The following RIMS2 variants were observed in gnomAD, a reference collection of about 807,000 sequenced individuals.
RIMS2 encodes regulating synaptic membrane exocytosis 2.
Under a neutral mutation model 174.4 loss-of-function variants are expected in RIMS2, and 59 were observed. That is an observed-to-expected ratio of 0.34 (90% CI 0.27 to 0.42). The LOEUF is 0.42. RIMS2 is among the 10% of genes least tolerant of loss of function. The pLI is 1.00. For synonymous variants in RIMS2, 606 were observed against 572.5 expected (o/e 1.06, Z -0.84); for missense variants, 1,620 against 1,666.3 (o/e 0.97, Z 0.48).
At chr8:103,808,519 C>A (rs1052250300) in intron 3 of RIMS2, among the ~76,000 whole-genome samples, 2 of 152,138 alleles carry the variant, frequency 1.3e-5, no homozygotes, top group Non-Finnish European at 2.9e-5. Flanking sequence ...TGCAGAGTGA[C>A]ATATTTAATT....
intron 19 of RIMS2, among the ~76,000 whole-genome samples, chr8:104,175,354 C>T (rs763915863): frequency 5.3e-5 from 8 of 151,600 alleles, no homozygotes; most frequent in Non-Finnish European, 8.8e-5. Context: ...GTGGGGTACT[C>T]GAGGTATTTA....
intron 1 of RIMS2, among the ~76,000 whole-genome samples, chr8:103,543,742 G>A (rs576287538): frequency 2.0e-5 from 3 of 152,210 alleles, no homozygotes; most frequent in African/African-American, 7.2e-5. Flanking sequence ...ATACACAATG[G>A]GCAAAGGGCA....
At chr8:103,869,858 A>C (rs763948748) in intron 3 of RIMS2, among the ~76,000 whole-genome samples, 7 of 152,142 alleles carry the variant, frequency 4.6e-5, no homozygotes, top group Non-Finnish European at 7.4e-5. Flanking sequence ...GATAAACAGA[A>C]CAGTGGTAGA....
intron 1 of RIMS2, among the ~76,000 whole-genome samples, chr8:103,674,246 T>C (rs866112833): frequency 6.6e-6 from 1 of 152,188 alleles, no homozygotes; most frequent in Non-Finnish European, 1.5e-5. Flanking sequence ...TCCTCTCTTC[T>C]TCTGAGCCCT....
intron 2 of RIMS2, among the ~76,000 whole-genome samples, chr8:103,756,499 A>C (rs2098012126): frequency 6.7e-6 from 1 of 149,858 alleles, no homozygotes. Flanking sequence ...GCAGTGGCAC[A>C]TCTTGGCTCA....
At chr8:103,709,391 G>C (rs1033165375) in intron 2 of RIMS2, among the ~76,000 whole-genome samples, 1 of 142,302 alleles carries the variant, frequency 7.0e-6, no homozygotes, top group Non-Finnish European at 1.5e-5. Context: ...TAGGTTGGAT[G>C]ACAGGTGTTG....
chr8:103,516,728 T>A (rs956249299), intron 1 of RIMS2, among the ~76,000 whole-genome samples: 57 of 152,108 alleles, frequency 3.7e-4, no homozygotes, highest in Non-Finnish European at 1.3e-4. Context: ...ATGTTTTACA[T>A]GTGTATATTA....
intron 1 of RIMS2, among the ~76,000 whole-genome samples, chr8:103,580,441 G>A (rs1030850606): frequency 1.7e-5 from 2 of 116,940 alleles, no homozygotes; most frequent in Non-Finnish European, 3.8e-5. Context: ...GACTATATGT[G>A]TGCATGTGTG....
intron 2 of RIMS2, among the ~76,000 whole-genome samples, chr8:103,746,141 G>C (rs948532392): frequency 6.6e-6 from 1 of 152,048 alleles, no homozygotes; most frequent in Non-Finnish European, 1.5e-5. Context: ...ATGAGTTAGG[G>C]GTCCAACTTC....
intron 16 of RIMS2, among the ~76,000 whole-genome samples, chr8:103,985,473 C>CAAAAAAAAAAAAA (rs58750334): frequency 2.8e-5 from 1 of 36,152 alleles, no homozygotes; most frequent in African/African-American, 1.5e-4. Flanking sequence ...GACTCTGTCT[C>CAAAAAAAAAAAAA]AAAAAAAAAA....
intron 1 of RIMS2, among the ~76,000 whole-genome samples, chr8:103,561,424 C>T (rs554134247): frequency 1.8e-4 from 27 of 152,106 alleles, no homozygotes; most frequent in South Asian, 2.1e-4. Flanking sequence ...ATAGCCCAAT[C>T]ACTATGTCTT....
exon 1 of RIMS2, chr8:103,500,971 C>G (rs1472694950): frequency 6.2e-7 from 1 of 1,610,940 alleles, no homozygotes; most frequent in Non-Finnish European, 8.5e-7. Flanking sequence ...GATGCCTGAC[C>G]TCAGCCACCT....
intron 19 of RIMS2, among the ~76,000 whole-genome samples, chr8:104,035,557 A>G (rs985687666): frequency 2.6e-5 from 4 of 151,590 alleles, no homozygotes; most frequent in African/African-American, 9.7e-5. Context: ...TGTAAAATGT[A>G]TCTTTAGGAA....
rs572095299 is a variant in RIMS2, at chr8:104,157,251, T to C, written c.3335-87665T>C. On this transcript the variant is annotated intron_variant, in intron 19 of 23. Transcript: ENST00000504942. ...ATCATAAATTGTGTTAAGGTACTTA[T>C]ATAGCATCTAGGCTCGGCATGTAGC... Among the ~76,000 whole-genome samples the C allele has an allele frequency of 1.4e-4, 21 of 152,350 alleles. No individual in the cohort carries two copies. The South Asian group carries it at 4.3e-3, about 32-fold the overall frequency.
At chr8:103,569,661 G>A (rs2092661256) in intron 1 of RIMS2, among the ~76,000 whole-genome samples, 1 of 151,546 alleles carries the variant, frequency 6.6e-6, no homozygotes, top group African/African-American at 2.4e-5. Flanking sequence ...TTTTGCTCAA[G>A]CTAGAATATA....
At chr8:103,997,556 T>C (rs2095177042) in intron 17 of RIMS2, among the ~76,000 whole-genome samples, 1 of 151,752 alleles carries the variant, frequency 6.6e-6, no homozygotes, top group African/African-American at 2.4e-5. Flanking sequence ...GCTGCTTGGA[T>C]TGCTTATGGT....
chr8:103,511,304 A>G (rs917806629), intron 1 of RIMS2, among the ~76,000 whole-genome samples: 2 of 152,184 alleles, frequency 1.3e-5, no homozygotes, highest in Admixed American at 6.5e-5. Context: ...ATTTTACCAT[A>G]TGACTAACAT....
At chr8:104,229,369 A>G (rs893924952) in intron 19 of RIMS2, among the ~76,000 whole-genome samples, 2 of 152,152 alleles carry the variant, frequency 1.3e-5, no homozygotes, top group Admixed American at 1.3e-4. Flanking sequence ...TGCTGTGTAT[A>G]TATAATATTA....
intron 1 of RIMS2, among the ~76,000 whole-genome samples, chr8:103,618,016 A>C (rs572709491): frequency 1.3e-5 from 2 of 152,240 alleles, no homozygotes; most frequent in East Asian, 3.9e-4. Flanking sequence ...AAATCATTTC[A>C]CTGTAAAGAC....
Sources: allele counts gnomAD v4.1 joint callset (sites outside exome capture counted in the v4.1 genomes callset), GRCh38; gene constraint gnomAD v4.1.1; transcripts MANE v1.5; gene names NCBI Gene and HGNC (gene_info 2026-07-23, HGNC 2026-07-21).